The following UPF2 variants were observed in gnomAD, a reference collection of about 807,000 sequenced individuals.
The protein encoded by UPF2 is UPF2 regulator of nonsense mediated mRNA decay.
A neutral mutation model predicts 141.4 loss-of-function variants in UPF2; 17 were observed. The observed-to-expected ratio is 0.12, with a 90% CI of 0.08 to 0.18. UPF2 has a LOEUF of 0.18. UPF2 is among the 10% of genes least tolerant of loss of function. The probability of loss-of-function intolerance (pLI) is 1.00; values close to 1 mark genes in which losing one functional copy is unlikely to be tolerated. For missense variants in UPF2, 1,152 were observed against 1,515.9 expected (o/e 0.76, Z 3.99); for synonymous variants, 540 against 498.0 (o/e 1.08, Z -1.12).
intron 12 of UPF2, among the ~76,000 whole-genome samples, chr10:11,957,990 GTTTA>G (rs1163185253): frequency 1.3e-5 from 2 of 152,106 alleles, no homozygotes; most frequent in East Asian, 3.8e-4. Flanking sequence ...TTACTTCCTA[GTTTA>G]TGGTAAAGAC....
At chr10:12,013,998 T>G (rs373221975) in intron 4 of UPF2, 26 bp downstream of exon 4, 2 of 1,490,166 alleles carry the variant, frequency 1.3e-6, no homozygotes, top group African/African-American at 2.8e-5. Context: ...GAAAACACAA[T>G]GTTTGTTTTT....
intron 8 of UPF2, among the ~76,000 whole-genome samples, chr10:11,989,990 G>C (rs1451275742): frequency 6.6e-6 from 1 of 152,176 alleles, no homozygotes; most frequent in Non-Finnish European, 1.5e-5. Flanking sequence ...GAAAAGTAAT[G>C]GCTCACACCA....
Position 12,042,757 on chromosome 10 carries a change from C to G in UPF2, c.-21G>C, listed in dbSNP as rs527602274. 7 of 152,470 alleles carry G rather than the reference C, an allele frequency of 4.6e-5. 1 individual carries two copies. Among genetic ancestry groups the G allele is most frequent in the African/African-American group, 1.4e-4 (6 of 41,546 alleles). 9.4% of individuals were successfully genotyped at this position (152,470 alleles called of 1,614,324 possible). On this transcript the variant is annotated splice_region_variant and 5_prime_UTR_variant, in exon 1 of 22. Coordinates refer to ENST00000357604, the MANE Select transcript of UPF2 (RefSeq NM_015542.4). This position sits in a 1 kb window ranked among gnomAD's most constrained non-coding sequence, Gnocchi z 5.5. ...GAAGGAGGATCCCCGGGACTCACCT[C>G]GAGCCTGTTGTCAACATTAGCCCCG... is the stretch of plus-strand genomic sequence containing the variant.
chr10:12,012,076 G>T (rs112264285), intron 4 of UPF2, among the ~76,000 whole-genome samples: 475 of 143,616 alleles, frequency 3.3e-3, no homozygotes, highest in Non-Finnish European at 5.1e-3. Context: ...TATGCTAAAT[G>T]TTTTTTTTTT....
intron 2 of UPF2, among the ~76,000 whole-genome samples, chr10:12,032,547 G>A (rs1834544131): frequency 1.3e-5 from 2 of 151,866 alleles, no homozygotes; most frequent in Non-Finnish European, 2.9e-5. Context: ...AGACCAGCCT[G>A]GGCAACACAG....
chr10:11,967,500 T>C (rs752751129), intron 9 of UPF2, 46 bp from the exon 10 acceptor site: 1 of 1,161,504 alleles, frequency 8.6e-7, no homozygotes, highest in African/African-American at 1.6e-5. Flanking sequence ...ACATTTTGAA[T>C]CTCTGTGATA....
intron 8 of UPF2, among the ~76,000 whole-genome samples, chr10:11,988,798 A>G (rs1211712171): frequency 6.6e-6 from 1 of 152,160 alleles, no homozygotes; most frequent in Non-Finnish European, 1.5e-5. Flanking sequence ...TGCTTACTCT[A>G]CACTCAACTC....
At chr10:12,038,248 T>C in intron 1 of UPF2, among the ~76,000 whole-genome samples, 1 of 151,656 alleles carries the variant, frequency 6.6e-6, no homozygotes, top group East Asian at 1.9e-4. Context: ...CTGGGCGTGG[T>C]AGCAGGCGCC....
Position 11,959,107 on chromosome 10 carries a change from C to T in UPF2, c.2370+64G>A. ...CTACCCCCACTTCTCCTAGACTCTA[C>T]ATAAGCTTAGCACTACCACAAATCT... On this transcript the variant is annotated intron_variant, in intron 12 of 21. Coordinates refer to ENST00000357604, the MANE Select transcript of UPF2 (RefSeq NM_015542.4). The surrounding 1 kb of genome is among the most constrained non-coding windows in gnomAD (Gnocchi z 5.9). 6.7e-7 allele frequency: 1 copy of T among 1,491,440 alleles called. No individual in the cohort carries two copies. Among genetic ancestry groups the T allele is most frequent in the Admixed American group, 2.4e-5 (1 of 41,724 alleles). The allele number at this position is 1,491,440 out of a possible 1,614,324, so 92.4% of individuals were successfully genotyped here.
chr10:11,994,201 A>G (rs1381304694), intron 8 of UPF2, among the ~76,000 whole-genome samples: 1 of 152,194 alleles, frequency 6.6e-6, no homozygotes. Flanking sequence ...TAGGTAAACC[A>G]TTAGCTAACA....
intron 13 of UPF2, among the ~76,000 whole-genome samples, chr10:11,955,954 C>T (rs1020065026): frequency 2.6e-5 from 4 of 151,900 alleles, no homozygotes; most frequent in African/African-American, 7.3e-5. Context: ...CCAGCCTGGC[C>T]GACATGGCAA....
intron 9 of UPF2, among the ~76,000 whole-genome samples, chr10:11,975,311 A>G (rs914314177): frequency 1.5e-4 from 23 of 152,162 alleles, no homozygotes; most frequent in African/African-American, 5.6e-4. Flanking sequence ...AGTAGGCCAC[A>G]CTGAAACTTT....
chr10:12,039,947 A>C (rs1018067783), intron 1 of UPF2, among the ~76,000 whole-genome samples: 9 of 152,194 alleles, frequency 5.9e-5, no homozygotes, highest in African/African-American at 1.9e-4. Context: ...AGATAAAATA[A>C]CATCTTAAAT....
At chr10:12,032,023 G>A (rs554573368) in intron 2 of UPF2, among the ~76,000 whole-genome samples, 43 of 152,294 alleles carry the variant, frequency 2.8e-4, no homozygotes, top group Admixed American at 4.6e-4. Flanking sequence ...GCTGGGTGCC[G>A]TGGCTCACGC....
At chr10:11,974,007 C>T (rs1833463107) in intron 9 of UPF2, among the ~76,000 whole-genome samples, 2 of 152,172 alleles carry the variant, frequency 1.3e-5, no homozygotes, top group South Asian at 2.1e-4. Flanking sequence ...TTGATTCTTC[C>T]TATCCGTGAG....
At chr10:11,967,545 A>ATTT in intron 9 of UPF2, 91 bp from the exon 10 acceptor site, 158 of 388,794 alleles carry the variant, frequency 4.1e-4, no homozygotes, top group Non-Finnish European at 5.5e-4. Context: ...AATTCACTCC[A>ATTT]GTTTTTTTTT....
chr10:12,034,322 A>T (rs1366788043), intron 2 of UPF2, among the ~76,000 whole-genome samples: 3 of 129,758 alleles, frequency 2.3e-5, no homozygotes, highest in African/African-American at 9.2e-5. Context: ...TTATTTTATT[A>T]TTTTATTTTT....
rs1188635040 is a variant in UPF2 at position 11,931,797 on chromosome 10, C to T, written c.3547-15G>A. On this transcript the variant is annotated splice_polypyrimidine_tract_variant and intron_variant, in intron 19 of 21. Coordinates refer to ENST00000357604, the MANE Select transcript of UPF2 (RefSeq NM_015542.4). This position sits in a 1 kb window ranked among gnomAD's most constrained non-coding sequence, Gnocchi z 5.9. ...AGGATCTTAAACTGGGAGAAAATAA[C>T]AAAGGAGTTACAAATAGTTTGAGAA... 1 of 1,583,342 alleles carries T rather than the reference C, an allele frequency of 6.3e-7. No homozygotes were observed. Among genetic ancestry groups the T allele is most frequent in the Non-Finnish European group, 8.5e-7 (1 of 1,172,010 alleles).
chr10:12,006,564 G>A (rs1456683556), intron 4 of UPF2, among the ~76,000 whole-genome samples: 1 of 151,926 alleles, frequency 6.6e-6, no homozygotes, highest in Non-Finnish European at 1.5e-5. Context: ...TTTAAACACA[G>A]ACTTATTAGG....
Sources: allele counts gnomAD v4.1 joint callset (sites outside exome capture counted in the v4.1 genomes callset), GRCh38; gene constraint gnomAD v4.1.1; non-coding constraint Gnocchi (gnomAD v3.1); transcripts MANE v1.5; gene names NCBI Gene and HGNC (gene_info 2026-07-23, HGNC 2026-07-21).